The following COPZ2 variants were observed in gnomAD, a reference collection of about 807,000 sequenced individuals.
The protein encoded by COPZ2 is coatomer subunit zeta-2.
In COPZ2, 30 loss-of-function variants were observed where a neutral mutation model predicts 33.2. That is an observed-to-expected ratio of 0.90 (90% confidence interval 0.68 to 1.23). The LOEUF (loss-of-function observed/expected upper bound fraction) is 1.23. COPZ2 is among the 50% of genes most tolerant of loss of function. The probability of loss-of-function intolerance (pLI) is 0.00; values close to 1 mark genes in which losing one functional copy is unlikely to be tolerated. For synonymous variants in COPZ2, 89 were observed against 102.6 expected (o/e 0.87, Z 0.80); for missense variants, 263 against 262.4 (o/e 1.00, Z -0.02).
At chr17:48,041,629 A>C (rs535085348), upstream of COPZ2, among the ~76,000 whole-genome samples, 1 of 152,298 alleles carries the variant, frequency 6.6e-6, no homozygotes, top group East Asian at 1.9e-4. Flanking sequence ...TATAATAGGG[A>C]ACATAATGAC....
Position 48,037,732 on chromosome 17 carries a change from C to A in COPZ2, c.46G>T (p.Ala16Ser), listed in dbSNP as rs2037013044. Residue 16 changes from alanine to serine, a missense_variant, in exon 1 of 9, where the codon GCC becomes TCC. Ala to Ser is a moderately conservative substitution (Grantham distance 99). Transcript: ENST00000621465. This position sits in a 1 kb window ranked among gnomAD's most constrained non-coding sequence, Gnocchi z 5.6. The part of the protein sequence containing the change: ...AWPRPHPGEG[A>S]AAAQAGGPAP... ...GGGCCCCCGGCCTGGGCCGCCGCGG[C>A]CCCCTCCCCCGGGTGCGGACGTGGC... 1 of 1,065,132 alleles carries A rather than the reference C, an allele frequency of 9.4e-7. No individual in the cohort carries two copies. The highest frequency in any genetic ancestry group is 6.9e-5 in the East Asian group (1 of 14,496). The allele number at this position is 1,065,132 out of a possible 1,614,324, so 66.0% of individuals were successfully genotyped here.
At chr17:48,036,456 C>T (rs7210041) in intron 2 of COPZ2, among the ~76,000 whole-genome samples, 10,804 of 152,170 alleles carry the variant, frequency 0.071, 415 homozygotes, top group Middle Eastern at 0.088. Flanking sequence ...ACTCCTTAGA[C>T]TAAATCGTTA....
At chr17:48,026,974 C>T (rs2144289286) in intron 8 of COPZ2, among the ~76,000 whole-genome samples, 1 of 152,378 alleles carries the variant, frequency 6.6e-6, no homozygotes, top group East Asian at 1.9e-4. Context: ...TGGAAAGTCT[C>T]AGCCCAGTGC....
intron 6 of COPZ2, chr17:48,031,500 C>G (rs2036894445): frequency 6.6e-6 from 1 of 151,860 alleles, no homozygotes; most frequent in Non-Finnish European, 1.5e-5. Flanking sequence ...TGCCCCAGAG[C>G]CAGAACTTCT....
the COPZ2 span, among the ~76,000 whole-genome samples, chr17:48,044,427 T>A: frequency 1.4e-5 from 2 of 146,704 alleles, no homozygotes; most frequent in Non-Finnish European, 3.0e-5. Flanking sequence ...TTTTTTTTTT[T>A]ACCCCAATGT....
chr17:48,032,333 AC>A, intron 5 of COPZ2, 100 bp from the exon 6 acceptor site: 1 of 971,760 alleles, frequency 1.0e-6, no homozygotes, highest in Non-Finnish European at 1.6e-6. Flanking sequence ...TGCCTCATTC[AC>A]CCCTCACCAA....
At chr17:48,032,865 A>G in intron 4 of COPZ2, 124 bp from the exon 5 acceptor site, 1 of 748,106 alleles carries the variant, frequency 1.3e-6, no homozygotes, top group Non-Finnish European at 2.3e-6. Flanking sequence ...CTGGAGACTG[A>G]CTGCGGTGTG....
At chr17:48,035,645 C>T (rs1485000831) in intron 2 of COPZ2, among the ~76,000 whole-genome samples, 1 of 151,926 alleles carries the variant, frequency 6.6e-6, no homozygotes, top group Non-Finnish European at 1.5e-5. Flanking sequence ...GCTGGTCTGG[C>T]ACTCCTGGGC....
At chr17:48,026,592 A>G (rs754970843) in intron 8 of COPZ2, 117 bp from the exon 9 acceptor site, 30 of 698,666 alleles carry the variant, frequency 4.3e-5, no homozygotes, top group Non-Finnish European at 7.3e-5. Flanking sequence ...ACCGGTCACT[A>G]GGTGGCAGCA....
At chr17:48,038,998 A>G (rs1039580414), upstream of COPZ2, among the ~76,000 whole-genome samples, 3 of 152,084 alleles carry the variant, frequency 2.0e-5, no homozygotes, top group African/African-American at 7.2e-5. Context: ...TGTTTGAGAC[A>G]CGGTCTCACT....
intron 6 of COPZ2, among the ~76,000 whole-genome samples, chr17:48,029,721 C>A (rs1048457341): frequency 6.6e-6 from 1 of 151,262 alleles, no homozygotes; most frequent in Non-Finnish European, 1.5e-5. Context: ...GTAATCCCAG[C>A]ACTTTGGGAG....
the COPZ2 span, chr17:48,047,527 A>G: frequency 6.6e-6 from 1 of 152,110 alleles, no homozygotes; most frequent in Non-Finnish European, 1.5e-5. Context: ...AAAATGAGAA[A>G]CATCCCTAAA....
Position 48,034,911 on chromosome 17 carries a change from G to A in COPZ2, c.187-967C>T, listed in dbSNP as rs373498703. 8.1e-4 allele frequency among the ~76,000 whole-genome samples: 123 copies of A among 152,216 alleles called. 3 individuals are homozygous for A. The East Asian group carries it at 0.018, about 22-fold the overall frequency. On this transcript the variant is annotated intron_variant, in intron 2 of 8. Transcript: ENST00000621465. ...TGAGGCAGGAGAATCGCTTGAACCC[G>A]GGAGGCGGAGGTTGCAGTGAGCTGA...
At chr17:48,030,158 A>G (rs1216850422) in intron 6 of COPZ2, among the ~76,000 whole-genome samples, 1 of 149,506 alleles carries the variant, frequency 6.7e-6, no homozygotes, top group Non-Finnish European at 1.5e-5. Context: ...ATGGTGGCGC[A>G]CGCCTATAAT....
At chr17:48,035,019 T>A (rs1326317270) in intron 2 of COPZ2, among the ~76,000 whole-genome samples, 1 of 152,070 alleles carries the variant, frequency 6.6e-6, no homozygotes, top group Non-Finnish European at 1.5e-5. Context: ...TTCCCCAACA[T>A]CTCACAGTTG....
the COPZ2 span, chr17:48,045,611 C>T: frequency 2.0e-5 from 3 of 152,368 alleles, no homozygotes; most frequent in Non-Finnish European, 4.4e-5. Context: ...GCTTCCACTG[C>T]CTTCTTCTCT....
At chr17:48,038,463 C>T (rs75302803), upstream of COPZ2, among the ~76,000 whole-genome samples, 1 of 152,330 alleles carries the variant, frequency 6.6e-6, no homozygotes, top group East Asian at 1.9e-4. Flanking sequence ...AAGACAAGCT[C>T]TCATTTCAGG....
the COPZ2 span, among the ~76,000 whole-genome samples, chr17:48,044,403 C>CTTTTT: frequency 2.5e-4 from 25 of 101,752 alleles, no homozygotes; most frequent in South Asian, 1.3e-3. Context: ...CAATCTTTTG[C>CTTTTT]TTTTTTTTTT....
chr17:48,030,615 T>C (rs2036882174), intron 6 of COPZ2, among the ~76,000 whole-genome samples: 2 of 152,168 alleles, frequency 1.3e-5, no homozygotes, highest in South Asian at 4.1e-4. Context: ...GCACCCCCTG[T>C]CCCAAGCTCC....
Sources: gnomAD v4.1 joint callset for allele counts (sites outside exome capture counted in the v4.1 genomes callset) on GRCh38, gnomAD v4.1.1 for gene constraint, Gnocchi (gnomAD v3.1) non-coding constraint, MANE v1.5 for transcripts, NCBI Gene and HGNC (gene_info 2026-07-23, HGNC 2026-07-21) for gene names.